The following COL2A1 variants were observed in gnomAD, a reference collection of about 807,000 sequenced individuals.
The protein encoded by COL2A1 is collagen type II alpha 1 chain.
A neutral mutation model predicts 204.5 loss-of-function variants in COL2A1; 28 were observed. The observed-to-expected ratio is 0.14, with a 90% CI of 0.10 to 0.19. The LOEUF (loss-of-function observed/expected upper bound fraction) is 0.19. COL2A1 is among the 10% of genes least tolerant of loss of function. COL2A1 has a pLI of 1.00. For synonymous variants in COL2A1, 708 were observed against 718.7 expected (o/e 0.99, Z 0.24); for missense variants, 1,388 against 2,027.5 (o/e 0.68, Z 6.06).
chr12:48,004,247 G>A lies in COL2A1; in HGVS notation c.75C>T (p.Gly25=). Residue 25 remains glycine, a synonymous_variant, in exon 1 of 54, where the codon GGC becomes GGT. Transcript: ENST00000380518. ...CGGGGGAAGACTTACGGACATCCTGGCCCTGACACCGAAGGACAGCGGCGA... is the reference window on the plus strand; with the variant it reads ...CGGGGGAAGACTTACGGACATCCTGACCCTGACACCGAAGGACAGCGGCGA... ...LLVAAVLRCQ[G]QDVQEAGSCV... 1 of 1,549,288 alleles carries A rather than the reference G, an allele frequency of 6.5e-7. No individual in the cohort carries two copies. The highest frequency in any genetic ancestry group is 1.2e-5 in the South Asian group (1 of 83,994).
In COL2A1 at chr12:47,973,523, T is replaced by G; in HGVS notation, c.4348A>C (p.Ile1450Leu). 1 of 1,614,134 alleles carries G rather than the reference T, an allele frequency of 6.2e-7. No individual in the cohort carries two copies. Among genetic ancestry groups the G allele is most frequent in the Non-Finnish European group, 8.5e-7 (1 of 1,180,018 alleles). ...KHTGKWGKTV[I>L]EYRSQKTSRL... ...GAGGTCTTCTGTGACCGGTACTCGATAACAGTCTTGCCCCACTTACCGGTA... is the reference window on the plus strand; with the variant it reads ...GAGGTCTTCTGTGACCGGTACTCGAGAACAGTCTTGCCCCACTTACCGGTA... The change falls in exon 54 of 54, where the codon ATC becomes CTC. Residue 1450 changes from isoleucine (I) to leucine (L), a missense_variant. Ile to Leu is a conservative substitution (Grantham distance 5). This residue lies in a region of COL2A1 where 303 missense variants were observed against 369.2 expected (regional missense o/e 0.82). Transcript: ENST00000380518.
chr12:48,003,659 G>A (rs929657861), intron 1 of COL2A1, among the ~76,000 whole-genome samples: 1 of 152,112 alleles, frequency 6.6e-6, no homozygotes, highest in African/African-American at 2.4e-5. Context: ...AGGGCCTATC[G>A]GAAGCCGTTC....
In COL2A1 at chr12:47,989,296, C is replaced by A; in HGVS notation, c.1069-15G>T. 1 of 1,610,842 alleles carries A rather than the reference C, an allele frequency of 6.2e-7. No individual in the cohort carries two copies. ...CCGACAGGACCCTGGAGAGAGTAGG[C>A]GGATGAGAAGAGAGGTGAATGCCAG... On this transcript the variant is annotated splice_polypyrimidine_tract_variant and intron_variant, in intron 17 of 53. Coordinates refer to ENST00000380518, the MANE Select transcript of COL2A1 (RefSeq NM_001844.5).
chr12:47,998,252 C>T, intron 3 of COL2A1, 51 bp from the exon 4 acceptor site: 1 of 1,613,262 alleles, frequency 6.2e-7, no homozygotes, highest in South Asian at 1.1e-5. Flanking sequence ...CACTAAGCCC[C>T]TAGTCTAAAA....
At chr12:47,996,710 G>T (rs1279414829) in intron 7 of COL2A1, 85 bp from the exon 8 acceptor site, 7 of 1,009,344 alleles carry the variant, frequency 6.9e-6, no homozygotes, top group African/African-American at 1.6e-5. Flanking sequence ...TGGATACAAA[G>T]AACTCTACTG....
At chr12:47,999,803 G>T in intron 2 of COL2A1, 116 bp downstream of exon 2, 1 of 871,562 alleles carries the variant, frequency 1.1e-6, no homozygotes, top group Non-Finnish European at 1.9e-6. Flanking sequence ...CAGCTACCAG[G>T]TCCCATGGAT....
chr12:47,983,443 A>G lies in COL2A1; in HGVS notation c.1996-5T>C. On this transcript the variant is annotated splice_region_variant and splice_polypyrimidine_tract_variant and intron_variant, in intron 30 of 53. Coordinates refer to ENST00000380518, the MANE Select transcript of COL2A1 (RefSeq NM_001844.5). The stretch of plus-strand genomic sequence containing the variant: ...ACCAGGAGGGCCAGGAAGTCCCTAG[A>G]AGCCGAAGTGACAAGCGTTAGCAAA... 1 of 1,614,018 alleles carries G rather than the reference A, an allele frequency of 6.2e-7. No individual in the cohort carries two copies. Among genetic ancestry groups the G allele is most frequent in the Non-Finnish European group, 8.5e-7 (1 of 1,179,942 alleles).
intron 1 of COL2A1, among the ~76,000 whole-genome samples, chr12:48,000,471 T>C (rs1440905938): frequency 6.6e-6 from 1 of 151,856 alleles, no homozygotes; most frequent in Non-Finnish European, 1.5e-5. Flanking sequence ...AGTTGGAGGG[T>C]GAGCGGAAGG....
intron 44 of COL2A1, 105 bp downstream of exon 44, chr12:47,977,905 C>A (rs1308358724): frequency 1.4e-5 from 16 of 1,145,228 alleles, no homozygotes; most frequent in Non-Finnish European, 2.6e-6. Context: ...ACTGCCACCC[C>A]CTTCTCCAGG....
rs1938538624 is a variant in COL2A1 at position 47,973,512 on chromosome 12, C to T, written c.4359G>A (p.Arg1453=). The T allele has an allele frequency of 1.9e-6, 3 of 1,614,000 alleles. No individual in the cohort carries two copies. In the South Asian group the frequency reaches 3.3e-5, roughly 18 times the overall value. ...GKWGKTVIEY[R]SQKTSRLPII... is the part of the protein sequence containing the mutation. ...TGGGGAGGCGTGAGGTCTTCTGTGA[C>T]CGGTACTCGATAACAGTCTTGCCCC... is the stretch of plus-strand genomic sequence containing the variant. Residue 1453 remains arginine (R), a synonymous_variant, in exon 54 of 54, where the codon CGG becomes CGA. Coordinates refer to ENST00000380518, the MANE Select transcript of COL2A1 (RefSeq NM_001844.5).
chr12:47,974,563 A>G (rs1248363811), intron 52 of COL2A1, 112 bp downstream of exon 52: 1 of 1,368,970 alleles, frequency 7.3e-7, no homozygotes, highest in Non-Finnish European at 1.0e-6. Flanking sequence ...CTCAAGCCCA[A>G]CAGAAAACTG....
At position 47,978,768 on chromosome 12, in the gene COL2A1, G is replaced by A. The variant is rs773599916; in HGVS notation, c.2734-10C>T. On this transcript the variant is annotated splice_polypyrimidine_tract_variant and intron_variant, in intron 41 of 53. Coordinates refer to ENST00000380518, the MANE Select transcript of COL2A1 (RefSeq NM_001844.5). This position sits in a 1 kb window ranked among gnomAD's most constrained non-coding sequence, Gnocchi z 5.5. The stretch of plus-strand genomic sequence containing the variant: ...GGGGTCCAGGGTTGCCCTAGAAGGA[G>A]AAAATGCGGGAAGTGAGGACTCATC... The A allele has an allele frequency of 4.2e-5, 67 of 1,611,944 alleles. No individual in the cohort carries two copies. The highest frequency in any genetic ancestry group is 3.9e-5 in the Non-Finnish European group (46 of 1,179,888).
intron 17 of COL2A1, 146 bp downstream of exon 17, chr12:47,989,615 C>T (rs971436963): frequency 3.8e-6 from 3 of 793,962 alleles, no homozygotes; most frequent in South Asian, 1.4e-5. Context: ...TTGATATTTA[C>T]AAACTTCTTC....
At chr12:47,999,572 C>A in intron 2 of COL2A1, 1 of 281,880 alleles carries the variant, frequency 3.5e-6, no homozygotes, top group Non-Finnish European at 6.7e-6. Flanking sequence ...CGTGGATTGG[C>A]CAGACAGAGC....
intron 1 of COL2A1, 97 bp downstream of exon 1, chr12:48,004,140 C>A (rs1342789230): frequency 2.1e-6 from 2 of 963,580 alleles, no homozygotes. Flanking sequence ...CGTTTTAGCC[C>A]GGAGCCGCGG....
chr12:47,991,546 T>A (rs2136598661), intron 16 of COL2A1, among the ~76,000 whole-genome samples: 1 of 152,206 alleles, frequency 6.6e-6, no homozygotes, highest in South Asian at 2.1e-4. Context: ...GAGAGGAGTC[T>A]GATGGGAGGG....
chr12:47,976,632 C>G lies in COL2A1; in HGVS notation c.3436-65G>C. The G allele has an allele frequency of 6.4e-7, 1 of 1,551,178 alleles. No individual in the cohort carries two copies. Among genetic ancestry groups the G allele is most frequent in the East Asian group, 2.3e-5 (1 of 44,428 alleles). On this transcript the variant is annotated intron_variant, in intron 48 of 53. Transcript: ENST00000380518. The surrounding 1 kb of genome is among the most constrained non-coding windows in gnomAD (Gnocchi z 4.3). ...GACATATCTATCTATATTCTGGGAG[C>G]TGGGGGAACAGCTTTATGTCCCAGC...
chr12:48,003,002 C>T (rs1635526), intron 1 of COL2A1: 115,771 of 152,164 alleles, frequency 0.76, 44,682 homozygotes, highest in Middle Eastern at 0.85. Context: ...AACTTTTATT[C>T]CCCCCGCCGA....
intron 14 of COL2A1, 35 bp from the exon 15 acceptor site, chr12:47,993,537 C>T: frequency 1.2e-6 from 2 of 1,602,444 alleles, no homozygotes; most frequent in Non-Finnish European, 1.7e-6. Flanking sequence ...GTGTCTGGGA[C>T]CCCATTCTTG....
Sources: gnomAD v4.1 joint callset for allele counts (sites outside exome capture counted in the v4.1 genomes callset) on GRCh38, gnomAD v4.1.1 for gene constraint, gnomAD v4.1.1 regional missense constraint, Gnocchi (gnomAD v3.1) non-coding constraint, MANE v1.5 for transcripts, NCBI Gene and HGNC (gene_info 2026-07-23, HGNC 2026-07-21) for gene names.